The following GRM5 variants were observed in gnomAD, a reference collection of about 807,000 sequenced individuals.
GRM5 encodes metabotropic glutamate receptor 5.
In GRM5, 19 loss-of-function variants were observed where a neutral mutation model predicts 83.1. The observed-to-expected ratio is 0.23, with a 90% CI of 0.16 to 0.34. The LOEUF is 0.34. Among genes scored for constraint, GRM5 ranks in the 10% least tolerant of loss-of-function variants. The pLI, the probability that GRM5 is intolerant of heterozygous loss-of-function variation, is 1.00. For synonymous variants in GRM5, 675 were observed against 633.6 expected, an observed-to-expected ratio of 1.07 and a Z score of -0.98; for missense variants, 1,160 against 1,588.3, an observed-to-expected ratio of 0.73 and a Z score of 4.58.
chr11:88,840,083 G>A (rs1944169337), intron 3 of GRM5, among the ~76,000 whole-genome samples: 1 of 152,186 alleles, frequency 6.6e-6, no homozygotes, highest in African/African-American at 2.4e-5. Flanking sequence ...AGATGAGGTG[G>A]AAGGGGAAGC....
chr11:88,576,663 C>T (rs1333668851), intron 7 of GRM5, among the ~76,000 whole-genome samples: 2 of 152,082 alleles, frequency 1.3e-5, no homozygotes, highest in Non-Finnish European at 2.9e-5. Context: ...TGGAGAAACC[C>T]TTGCAGAAGA....
intron 8 of GRM5, among the ~76,000 whole-genome samples, chr11:88,540,997 G>A (rs560401039): frequency 1.3e-5 from 2 of 152,010 alleles, no homozygotes; most frequent in East Asian, 3.9e-4. Flanking sequence ...TGATCCGCCC[G>A]CCTCGGCTTC....
rs1555051756 is a variant in GRM5 at position 88,974,413 on chromosome 11, A to ATAGG, written c.661+72798_661+72799insCCTA. Among the ~76,000 whole-genome samples, 454 of 151,798 alleles carry ATAGG rather than the reference A, an allele frequency of 3.0e-3. 3 individuals carry two copies. The highest frequency in any genetic ancestry group is 0.01 in the African/African-American group (434 of 41,386). ...GATAGATAGATAGATAGATAGATAGATAGATAGATAATCTGTATTTAGAGA... is the reference window on the plus strand; with the variant it reads ...GATAGATAGATAGATAGATAGATAGATAGGTAGATAGATAATCTGTATTTAGAGA... On this transcript the variant is annotated intron_variant, in intron 2 of 9. Transcript: ENST00000305447.
At chr11:88,854,537 C>G (rs867990647) in intron 2 of GRM5, among the ~76,000 whole-genome samples, 2 of 152,032 alleles carry the variant, frequency 1.3e-5, no homozygotes, top group Middle Eastern at 3.4e-3. Context: ...AAGTATCTGC[C>G]TACATTGACC....
At chr11:88,790,480 AT>A (rs1323823717) in intron 3 of GRM5, among the ~76,000 whole-genome samples, 23 of 152,196 alleles carry the variant, frequency 1.5e-4, no homozygotes, top group African/African-American at 4.8e-4. Context: ...TCTATGAAAA[AT>A]TTTACCATGT....
At chr11:88,965,866 A>G (rs2134993794) in intron 2 of GRM5, among the ~76,000 whole-genome samples, 1 of 152,278 alleles carries the variant, frequency 6.6e-6, no homozygotes, top group South Asian at 2.1e-4. Flanking sequence ...GAGGAAGCTT[A>G]CAGAAGTCTT....
chr11:88,647,336 C>T (rs146552471), intron 4 of GRM5, among the ~76,000 whole-genome samples: 176 of 149,740 alleles, frequency 1.2e-3, no homozygotes, highest in African/African-American at 4.0e-3. Context: ...GTATAAGGCA[C>T]TCCTTAAAAA....
intron 3 of GRM5, among the ~76,000 whole-genome samples, chr11:88,807,769 T>C (rs1207300120): frequency 6.6e-6 from 1 of 152,058 alleles, no homozygotes; most frequent in African/African-American, 2.4e-5. Context: ...TTTTTAGGCA[T>C]CTGAAATTAA....
At chr11:88,684,365 G>A (rs922416785) in intron 3 of GRM5, among the ~76,000 whole-genome samples, 2 of 152,198 alleles carry the variant, frequency 1.3e-5, no homozygotes, top group Non-Finnish European at 2.9e-5. Flanking sequence ...GATCTAAAAT[G>A]AAATTAGAGG....
chr11:88,984,336 C>G (rs1256813696), intron 2 of GRM5, among the ~76,000 whole-genome samples: 1 of 152,052 alleles, frequency 6.6e-6, no homozygotes, highest in Non-Finnish European at 1.5e-5. Context: ...AAACACTTAT[C>G]ATTTTGTTAC....
chr11:88,946,766 T>C (rs576218358), intron 2 of GRM5, among the ~76,000 whole-genome samples: 5 of 152,222 alleles, frequency 3.3e-5, no homozygotes, highest in African/African-American at 1.2e-4. Flanking sequence ...AATTACGTTT[T>C]GCGTTTTTGA....
At chr11:88,559,195 A>G (rs1469575785) in intron 8 of GRM5, among the ~76,000 whole-genome samples, 1 of 152,122 alleles carries the variant, frequency 6.6e-6, no homozygotes, top group Non-Finnish European at 1.5e-5. Flanking sequence ...TTCACAATCA[A>G]ATTTGGTTCA....
intron 8 of GRM5, among the ~76,000 whole-genome samples, chr11:88,541,739 T>A (rs1942273950): frequency 6.6e-6 from 1 of 152,036 alleles, no homozygotes; most frequent in Admixed American, 6.6e-5. Flanking sequence ...GGATTGATGT[T>A]TTATGTAGAT....
chr11:88,703,937 T>G (rs2135376223), intron 3 of GRM5, among the ~76,000 whole-genome samples: 1 of 151,998 alleles, frequency 6.6e-6, no homozygotes, highest in African/African-American at 2.4e-5. Context: ...AGCGACTGGG[T>G]TTTTTCAACA....
chr11:88,919,493 C>T (rs1945653739), intron 2 of GRM5, among the ~76,000 whole-genome samples: 1 of 150,820 alleles, frequency 6.6e-6, no homozygotes, highest in African/African-American at 2.4e-5. Flanking sequence ...ACAGATTATC[C>T]AGACAGGAAA....
chr11:88,607,078 C>G (rs1416401014), intron 4 of GRM5, among the ~76,000 whole-genome samples: 1 of 151,518 alleles, frequency 6.6e-6, no homozygotes, highest in African/African-American at 2.4e-5. Context: ...CCTTTAATTT[C>G]CCCAGTAGAG....
intron 2 of GRM5, among the ~76,000 whole-genome samples, chr11:88,984,319 T>C (rs1939620954): frequency 1.3e-5 from 2 of 152,194 alleles, no homozygotes; most frequent in Admixed American, 1.3e-4. Flanking sequence ...TCTATGTTTA[T>C]ATATGTAAAC....
chr11:89,014,031 A>C (rs1415998400), intron 2 of GRM5, among the ~76,000 whole-genome samples: 4 of 152,190 alleles, frequency 2.6e-5, no homozygotes, highest in Admixed American at 1.3e-4. Context: ...TGTGCCCAAC[A>C]TCAGTAAGTC....
intron 3 of GRM5, among the ~76,000 whole-genome samples, chr11:88,738,097 ATGAT>A (rs1234181672): frequency 6.6e-6 from 1 of 152,050 alleles, no homozygotes; most frequent in East Asian, 1.9e-4. Context: ...GTCTGGCTAA[ATGAT>A]TGAAATCACA....
Sources: allele counts gnomAD v4.1 joint callset (sites outside exome capture counted in the v4.1 genomes callset), GRCh38; gene constraint gnomAD v4.1.1; transcripts MANE v1.5; gene names NCBI Gene and HGNC (gene_info 2026-07-23, HGNC 2026-07-21).